The following MBD5 variants were observed in gnomAD, a reference collection of about 807,000 sequenced individuals.
The protein encoded by MBD5 is methyl-CpG binding domain protein 5, also known as methyl-CpG-binding domain protein 5.
A neutral mutation model predicts 117.3 loss-of-function variants in MBD5; 13 were observed. That is an observed-to-expected ratio of 0.11 (90% CI 0.07 to 0.18). MBD5 has a LOEUF of 0.18. MBD5 is among the 10% of genes least tolerant of loss of function. The pLI is 1.00. For synonymous variants in MBD5, 727 were observed against 766.4 expected, an observed-to-expected ratio of 0.95 and a Z score of 0.85; for missense variants, 1,879 against 2,093.8, an observed-to-expected ratio of 0.90 and a Z score of 2.00.
At chr2:148,390,095 A>C (rs938067513) in intron 4 of MBD5, among the ~76,000 whole-genome samples, 1 of 152,092 alleles carries the variant, frequency 6.6e-6, no homozygotes, top group African/African-American at 2.4e-5. Flanking sequence ...TTAATTTTTT[A>C]ATATGGTGAG....
chr2:148,434,213 C>T (rs968381942), intron 4 of MBD5, among the ~76,000 whole-genome samples: 2 of 151,704 alleles, frequency 1.3e-5, no homozygotes, highest in Non-Finnish European at 2.9e-5. Flanking sequence ...TCTGTGGTGT[C>T]GGTAGTAACA....
chr2:148,483,799 C>T lies in MBD5; in HGVS notation c.3208C>T (p.Pro1070Ser). The change falls in exon 9 of 14, where the codon CCC (proline) becomes TCC (serine). Residue 1070 changes from proline to serine, a missense_variant. Transcript: ENST00000642680. ...SFAGSDTTFN[P>S]LFLPAVNGAS... Reference sequence around the variant, plus strand: ...TGCAGGCAGTGACACTACTTTTAACCCCCTGTTCCTCCCAGCTGTCAATGG... The same window carrying T: ...TGCAGGCAGTGACACTACTTTTAACTCCCTGTTCCTCCCAGCTGTCAATGG... 1 of 1,550,560 alleles carries T rather than the reference C, an allele frequency of 6.4e-7. No homozygotes were observed. Among genetic ancestry groups the T allele is most frequent in the Non-Finnish European group, 8.7e-7 (1 of 1,146,970 alleles).
intron 3 of MBD5, among the ~76,000 whole-genome samples, chr2:148,244,639 G>C (rs924957171): frequency 3.3e-5 from 5 of 152,156 alleles, no homozygotes; most frequent in African/African-American, 1.2e-4. Context: ...TATTTACTGA[G>C]TGCTATTTGC....
At chr2:148,422,441 A>G (rs1705639770) in intron 4 of MBD5, among the ~76,000 whole-genome samples, 1 of 152,206 alleles carries the variant, frequency 6.6e-6, no homozygotes, top group African/African-American at 2.4e-5. Flanking sequence ...TCACCAACAC[A>G]AAGACCAAAG....
intron 4 of MBD5, among the ~76,000 whole-genome samples, chr2:148,452,370 G>C (rs1186535066): frequency 1.3e-5 from 2 of 151,960 alleles, no homozygotes; most frequent in African/African-American, 4.8e-5. Context: ...GCCTGGTTTG[G>C]ACACCTGTGA....
chr2:148,098,222 T>A (rs974605934), intron 1 of MBD5, among the ~76,000 whole-genome samples: 2 of 152,132 alleles, frequency 1.3e-5, no homozygotes, highest in African/African-American at 2.4e-5. Context: ...GGTGGTGGCC[T>A]GTATAAGGAA....
At chr2:148,463,690 T>C in intron 6 of MBD5, 49 bp from the exon 7 acceptor site, 1 of 1,595,296 alleles carries the variant, frequency 6.3e-7, no homozygotes, top group Non-Finnish European at 8.6e-7. Flanking sequence ...GATCTTTTTA[T>C]TAAATGTTTT....
chr2:148,187,072 G>A (rs754150776), intron 2 of MBD5, among the ~76,000 whole-genome samples: 13 of 152,144 alleles, frequency 8.5e-5, no homozygotes, highest in Middle Eastern at 3.4e-3. Flanking sequence ...AAACTGAACC[G>A]CTGCTGGGTA....
At chr2:148,043,879 G>A (rs1338057376) in intron 1 of MBD5, among the ~76,000 whole-genome samples, 1 of 152,152 alleles carries the variant, frequency 6.6e-6, no homozygotes. Context: ...CTCTAAAAAT[G>A]TATCTGCAGT....
intron 3 of MBD5, among the ~76,000 whole-genome samples, chr2:148,334,893 TGAG>T (rs1702748125): frequency 6.6e-6 from 1 of 152,100 alleles, no homozygotes; most frequent in Non-Finnish European, 1.5e-5. Context: ...GGGTAAGACT[TGAG>T]GAGATTTCTG....
intron 4 of MBD5, among the ~76,000 whole-genome samples, chr2:148,367,054 T>A (rs142727035): frequency 2.0e-3 from 306 of 152,132 alleles, no homozygotes; most frequent in African/African-American, 7.0e-3. Context: ...AGCTGGAGGC[T>A]TCACACTACC....
chr2:148,422,125 G>A (rs1574406883), intron 4 of MBD5, among the ~76,000 whole-genome samples: 1 of 152,202 alleles, frequency 6.6e-6, no homozygotes, highest in Non-Finnish European at 1.5e-5. Flanking sequence ...TGACCCCCAT[G>A]TATCCTGACT....
At chr2:148,492,249 A>G (rs1349617961) in intron 11 of MBD5, among the ~76,000 whole-genome samples, 2 of 151,872 alleles carry the variant, frequency 1.3e-5, no homozygotes, top group African/African-American at 4.8e-5. Context: ...TCATTCCACT[A>G]TAAAGTAATA....
chr2:148,365,454 C>G (rs912429860), intron 4 of MBD5, among the ~76,000 whole-genome samples: 4 of 152,048 alleles, frequency 2.6e-5, no homozygotes, highest in Admixed American at 2.6e-4. Context: ...CAAACACATT[C>G]AAAAGCTAGC....
chr2:148,274,942 C>T (rs749732970), intron 3 of MBD5, among the ~76,000 whole-genome samples: 3 of 152,000 alleles, frequency 2.0e-5, no homozygotes, highest in African/African-American at 7.2e-5. Flanking sequence ...AGACTGGTCT[C>T]GAACTCCTCA....
chr2:148,381,995 T>A (rs1486922467), intron 4 of MBD5, among the ~76,000 whole-genome samples: 2 of 152,172 alleles, frequency 1.3e-5, no homozygotes, highest in African/African-American at 2.4e-5. Context: ...TACTAGCCAC[T>A]GCAAAAACAT....
At chr2:148,133,639 C>T (rs571381377) in intron 1 of MBD5, among the ~76,000 whole-genome samples, 1 of 152,154 alleles carries the variant, frequency 6.6e-6, no homozygotes, top group Non-Finnish European at 1.5e-5. Context: ...GCCTGACCAA[C>T]GTGGTGAAAC....
intron 8 of MBD5, 69 bp downstream of exon 8, chr2:148,470,530 A>C (rs572929907): frequency 8.3e-7 from 1 of 1,202,378 alleles, no homozygotes. Context: ...AATTTGTACC[A>C]AAATATTTAT....
At chr2:148,363,513 A>G (rs933682793) in intron 4 of MBD5, among the ~76,000 whole-genome samples, 3 of 152,146 alleles carry the variant, frequency 2.0e-5, no homozygotes, top group Non-Finnish European at 4.4e-5. Flanking sequence ...GATTACAGGC[A>G]TGAGCCACCA....
Sources: allele counts gnomAD v4.1 joint callset (sites outside exome capture counted in the v4.1 genomes callset), GRCh38; gene constraint gnomAD v4.1.1; transcripts MANE v1.5; gene names NCBI Gene and HGNC (gene_info 2026-07-23, HGNC 2026-07-21).